Variants in FBN2 observed in about 807,000 individuals in gnomAD.
FBN2 encodes the protein fibrillin 2.
In FBN2, 105 loss-of-function variants were observed where a neutral mutation model predicts 355.6. The observed-to-expected ratio is 0.30, with a 90% CI of 0.25 to 0.35. The LOEUF is 0.35. Among genes scored for constraint, FBN2 ranks in the 10% least tolerant of loss-of-function variants. The pLI is 1.00. For missense variants in FBN2, 3,280 were observed against 3,758.7 expected, an observed-to-expected ratio of 0.87 and a Z score of 3.33; for synonymous variants, 1,350 against 1,301.2, an observed-to-expected ratio of 1.04 and a Z score of -0.81.
Position 128,509,845 on chromosome 5 carries a change from C to T in FBN2, c.628+9428G>A, listed in dbSNP as rs531393942. Among the ~76,000 whole-genome samples, 32 of 152,194 alleles carry T rather than the reference C, an allele frequency of 2.1e-4. 1 individual carries two copies. The South Asian group carries it at 6.0e-3, about 29-fold the overall frequency. On this transcript the variant is annotated intron_variant, in intron 5 of 64. Coordinates refer to ENST00000262464, the MANE Select transcript of FBN2 (RefSeq NM_001999.4). ...CTATTCTGAGTACTCTAACCAATAC[C>T]CCACCAATTATGTGACCCTCTAATC...
chr5:128,291,536 T>C lies in FBN2; in HGVS notation c.6285A>G (p.Arg2095=), dbSNP rs28763933. Residue 2095 remains arginine, a synonymous_variant, in exon 49 of 65, where the codon AGA becomes AGG. Transcript: ENST00000262464. ...PGFVLSDNGR[R]CFDTRQSFCF... ...AGTCATGCCAAATCTTACCAAAGCA[T>C]CTCCGTCCATTATCAGATAGTACAA... 178 of 1,613,900 alleles carry C rather than the reference T, an allele frequency of 1.1e-4. 1 individual carries two copies. In the East Asian group the frequency reaches 3.4e-3, roughly 31 times the overall value.
At chr5:128,302,824 A>T in intron 46 of FBN2, 149 bp downstream of exon 46, 1 of 655,908 alleles carries the variant, frequency 1.5e-6, no homozygotes, top group South Asian at 1.8e-5. Flanking sequence ...TCAGTTAACT[A>T]GAAACCAGTC....
At chr5:128,270,555 A>G (rs141533831) in intron 62 of FBN2, among the ~76,000 whole-genome samples, 11 of 152,194 alleles carry the variant, frequency 7.2e-5, no homozygotes, top group Non-Finnish European at 1.5e-4. Flanking sequence ...CCTGAAGAAA[A>G]CGTCGGCAAT....
intron 34 of FBN2, among the ~76,000 whole-genome samples, chr5:128,324,181 GTCT>G (rs544959839): frequency 1.3e-3 from 197 of 151,782 alleles, no homozygotes; most frequent in Non-Finnish European, 2.2e-3. Context: ...ATTCTTCTCT[GTCT>G]TCTTATTTGT....
intron 8 of FBN2, among the ~76,000 whole-genome samples, chr5:128,401,548 C>T (rs1438873825): frequency 2.6e-5 from 4 of 152,008 alleles, no homozygotes; most frequent in African/African-American, 4.8e-5. Context: ...TTTGGGAGGC[C>T]GAGGTGGGTG....
rs79964622 is a variant in FBN2 at position 128,334,295 on chromosome 5, A to C, written c.4099+424T>G. Among the ~76,000 whole-genome samples the C allele has an allele frequency of 4.2e-3, 639 of 152,146 alleles. 4 individuals carry two copies. Among genetic ancestry groups the C allele is most frequent in the African/African-American group, 0.015 (603 of 41,522 alleles). On this transcript the variant is annotated intron_variant, in intron 31 of 64. Coordinates refer to ENST00000262464, the MANE Select transcript of FBN2 (RefSeq NM_001999.4). The stretch of plus-strand genomic sequence containing the variant: ...GGAAGAAAGGGAAAGAGTCTCAATG[A>C]AACTTGATTAATTTTTACTAGTTTA...
intron 5 of FBN2, among the ~76,000 whole-genome samples, chr5:128,481,489 T>C (rs1755187132): frequency 6.6e-6 from 1 of 152,186 alleles, no homozygotes; most frequent in Non-Finnish European, 1.5e-5. Flanking sequence ...TTTGTCAGTA[T>C]GTGAACTTAT....
chr5:128,328,614 G>A, intron 34 of FBN2, 82 bp downstream of exon 34: 3 of 1,457,340 alleles, frequency 2.1e-6, no homozygotes, highest in Non-Finnish European at 2.9e-6. Context: ...GCTTCCAGGT[G>A]GAGCTTGTTC....
intron 38 of FBN2, 136 bp downstream of exon 38, chr5:128,311,749 T>G: frequency 1.4e-6 from 1 of 726,602 alleles, no homozygotes; most frequent in South Asian, 1.5e-5. Flanking sequence ...AGTTTAACAT[T>G]TTAGTAATTA....
At chr5:128,454,651 T>C (rs886594627) in intron 6 of FBN2, among the ~76,000 whole-genome samples, 1 of 152,210 alleles carries the variant, frequency 6.6e-6, no homozygotes, top group African/African-American at 2.4e-5. Flanking sequence ...TCCTCTACTC[T>C]CTCACATGCA....
In FBN2 at chr5:128,322,015, G is replaced by T. The variant is rs1048953271; in HGVS notation, c.4472-3014C>A. On this transcript the variant is annotated intron_variant, in intron 34 of 64. Transcript: ENST00000262464. ...TGGCATGAGATGATATCTCATTGTG[G>T]TTTTGATTTGCATTTCTCTAATGAC... 1.1e-4 allele frequency among the ~76,000 whole-genome samples: 17 copies of T among 152,178 alleles called. No individual in the cohort carries two copies. The East Asian group carries it at 3.3e-3, about 29-fold the overall frequency.
intron 15 of FBN2, among the ~76,000 whole-genome samples, chr5:128,372,475 A>G (rs1201399342): frequency 2.0e-5 from 3 of 152,122 alleles, no homozygotes; most frequent in South Asian, 2.1e-4. Flanking sequence ...ATAGTTTTTC[A>G]TAACAGTGAT....
At chr5:128,418,171 C>T (rs767394636) in intron 7 of FBN2, among the ~76,000 whole-genome samples, 2 of 151,998 alleles carry the variant, frequency 1.3e-5, no homozygotes, top group Non-Finnish European at 2.9e-5. Flanking sequence ...GTTGTTATGT[C>T]TCCCTTTTCA....
At chr5:128,436,335 A>G (rs1165936969) in intron 7 of FBN2, among the ~76,000 whole-genome samples, 1 of 152,194 alleles carries the variant, frequency 6.6e-6, no homozygotes, top group Non-Finnish European at 1.5e-5. Flanking sequence ...TAAAAATCAG[A>G]CTAAAAATAT....
intron 2 of FBN2, among the ~76,000 whole-genome samples, chr5:128,531,012 T>C (rs1756686495): frequency 1.3e-5 from 2 of 152,138 alleles, no homozygotes; most frequent in Non-Finnish European, 2.9e-5. Flanking sequence ...ACTGGGTATC[T>C]ACCCAGAGGA....
At chr5:128,398,286 A>T (rs1285499746) in intron 8 of FBN2, among the ~76,000 whole-genome samples, 1 of 152,092 alleles carries the variant, frequency 6.6e-6, no homozygotes. Context: ...CACACTAAGG[A>T]ACAAAAACTA....
At chr5:128,405,182 G>A (rs1752894170) in intron 8 of FBN2, among the ~76,000 whole-genome samples, 1 of 152,130 alleles carries the variant, frequency 6.6e-6, no homozygotes, top group Non-Finnish European at 1.5e-5. Context: ...GACACAGCTA[G>A]ACTCCATCTT....
intron 7 of FBN2, among the ~76,000 whole-genome samples, chr5:128,421,399 C>T (rs1432560398): frequency 2.6e-5 from 4 of 152,002 alleles, no homozygotes; most frequent in Non-Finnish European, 4.4e-5. Context: ...GAAAAAATAT[C>T]CTGAAAGTAA....
rs368515591 is a variant in FBN2 at position 128,327,651 on chromosome 5, T to G, written c.4471+1045A>C. ...TTTGTTTGTTTTTGTTTTTGTTTTTTTTTTTAGACTGAGTTTCGCTCTTGT... is the reference window on the plus strand; with the variant it reads ...TTTGTTTGTTTTTGTTTTTGTTTTTGTTTTTAGACTGAGTTTCGCTCTTGT... On this transcript the variant is annotated intron_variant, in intron 34 of 64. Transcript: ENST00000262464. Among the ~76,000 whole-genome samples the G allele has an allele frequency of 2.0e-4, 31 of 152,186 alleles. No homozygotes were observed. The East Asian group carries it at 4.6e-3, about 23-fold the overall frequency.
Sources: gnomAD v4.1 joint callset for allele counts (sites outside exome capture counted in the v4.1 genomes callset) on GRCh38, gnomAD v4.1.1 for gene constraint, MANE v1.5 for transcripts, NCBI Gene and HGNC (gene_info 2026-07-23, HGNC 2026-07-21) for gene names.